The following MELTF variants were observed in gnomAD, a reference collection of about 807,000 sequenced individuals.
MELTF encodes the protein melanotransferrin.
In MELTF, 67 loss-of-function variants were observed where a neutral mutation model predicts 83.7. That is an observed-to-expected ratio of 0.80 (90% CI 0.66 to 0.98). The LOEUF (loss-of-function observed/expected upper bound fraction) is 0.98. MELTF is among the 50% of genes least tolerant of loss of function. The pLI is 0.00. For missense variants in MELTF, 1,002 were observed against 1,035.6 expected (o/e 0.97, Z 0.44); for synonymous variants, 462 against 447.6 (o/e 1.03, Z -0.41).
Position 197,029,794 on chromosome 3 carries a change from C to T in MELTF, c.-92G>A. 1 of 931,978 alleles carries T rather than the reference C, an allele frequency of 1.1e-6. No homozygotes were observed. The highest frequency in any genetic ancestry group is 3.8e-4 in the Middle Eastern group (1 of 2,662). The allele number at this position is 931,978 out of a possible 1,614,324, so 57.7% of individuals were successfully genotyped here. On this transcript the variant is annotated 5_prime_UTR_variant, in exon 1 of 16. Coordinates refer to ENST00000296350, the MANE Select transcript of MELTF (RefSeq NM_005929.6). This position sits in a 1 kb window ranked among gnomAD's most constrained non-coding sequence, Gnocchi z 6.5. ...CGGGCTTCCTCCCTGCTCCCCCTCG[C>T]GCTGGCCCGAGCTCCTTAAGTGCGG...
chr3:197,021,630 G>A (rs1406181751), intron 5 of MELTF, among the ~76,000 whole-genome samples, 159 bp from the exon 6 acceptor site: 2 of 152,220 alleles, frequency 1.3e-5, no homozygotes, highest in Non-Finnish European at 1.5e-5. Context: ...TCGGCTGTGT[G>A]CCTTTGCCGA....
rs1221331725 is a variant in MELTF, at chr3:197,017,275, G to A, written c.728C>T (p.Ser243Phe). Reference protein sequence around the residue: ...LENTDGKTLPSWGQALLSQDF... With the variant: ...LENTDGKTLPFWGQALLSQDF... ...CTGTGACAGCAGGGCCTGGCCCCAG[G>A]AGGGAAGCGTCTTCCCTGGGAAGCA... The change falls in exon 7 of 16, where the codon TCC becomes TTC. Residue 243 changes from serine to phenylalanine, a missense_variant. Ser to Phe is a radical substitution (Grantham distance 155). Coordinates refer to ENST00000296350, the MANE Select transcript of MELTF (RefSeq NM_005929.6). The A allele has an allele frequency of 3.8e-6, 6 of 1,560,002 alleles. 1 individual carries two copies. Among genetic ancestry groups the A allele is most frequent in the East Asian group, 4.6e-5 (2 of 43,170 alleles).
Position 197,008,639 on chromosome 3 carries a change from G to T in MELTF, c.1750+18C>A, listed in dbSNP as rs1278676353. 6.2e-7 allele frequency: 1 copy of T among 1,612,150 alleles called. No individual in the cohort carries two copies. Among genetic ancestry groups the T allele is most frequent in the East Asian group, 2.2e-5 (1 of 44,870 alleles). On this transcript the variant is annotated intron_variant, in intron 13 of 15. Coordinates refer to ENST00000296350, the MANE Select transcript of MELTF (RefSeq NM_005929.6). This position sits in a 1 kb window ranked among gnomAD's most constrained non-coding sequence, Gnocchi z 5.4. ...GTCCCCCCGACCTACCTTTGGCCCT[G>T]CTCTTGCCCCCACCTACCGTTTGTG...
intron 2 of MELTF, 55 bp downstream of exon 2, chr3:197,027,701 C>T: frequency 6.4e-7 from 1 of 1,554,358 alleles, no homozygotes; most frequent in Non-Finnish European, 8.8e-7. Context: ...CTGTTGTGTG[C>T]TCCCTCCTGA....
At chr3:197,010,857 T>TCCACAGGAC in intron 9 of MELTF, 63 bp from the exon 10 acceptor site, 1 of 1,474,970 alleles carries the variant, frequency 6.8e-7, no homozygotes. Context: ...GATGTCGGGG[T>TCCACAGGAC]CCTGTGGAGG....
At chr3:197,009,880 C>G in intron 10 of MELTF, 68 bp from the exon 11 acceptor site, 1 of 1,414,788 alleles carries the variant, frequency 7.1e-7, no homozygotes, top group Non-Finnish European at 9.9e-7. Flanking sequence ...TGGGGGGGTC[C>G]TTCCTTCAAA....
chr3:197,009,262 G>A (rs1719094078), intron 11 of MELTF, among the ~76,000 whole-genome samples: 1 of 152,208 alleles, frequency 6.6e-6, no homozygotes, highest in Non-Finnish European at 1.5e-5. Flanking sequence ...CAGAGCAGGT[G>A]TCCAGCTGTC....
intron 9 of MELTF, 76 bp downstream of exon 9, chr3:197,015,289 G>T: frequency 1.4e-6 from 2 of 1,450,844 alleles, no homozygotes; most frequent in Non-Finnish European, 1.9e-6. Flanking sequence ...GCAGCAGGGG[G>T]TGTGGGTAGT....
At chr3:197,014,383 G>GGTTTT (rs747329235) in intron 9 of MELTF, among the ~76,000 whole-genome samples, 3 of 101,058 alleles carry the variant, frequency 3.0e-5, no homozygotes, top group African/African-American at 1.2e-4. Flanking sequence ...AATAGGGAGA[G>GGTTTT]TTTTTTTTTT....
At position 197,009,688 on chromosome 3, in the gene MELTF, GCCTGCAGGGCTGCCGAAA is replaced by G. The variant is rs1302432368; in HGVS notation, c.1437_1454del (p.Phe480_Gly485del). 6.2e-7 allele frequency: 1 copy of G among 1,613,844 alleles called. No individual in the cohort carries two copies. The stretch of plus-strand genomic sequence containing the variant: ...TAAGGGCACCCACGGGGACATCCCA[GCCTGCAGGGCTGCCGAAA>G]CCGGCGTGGCAGGAGCGCTTGCCCC... On this transcript the variant is annotated inframe_deletion, in exon 11 of 16. Transcript: ENST00000296350.
intron 8 of MELTF, among the ~76,000 whole-genome samples, chr3:197,015,988 G>A (rs1719355824): frequency 6.6e-6 from 1 of 152,146 alleles, no homozygotes; most frequent in African/African-American, 2.4e-5. Context: ...GCGGCCAGGT[G>A]GGGCTTCCGA....
intron 6 of MELTF, chr3:197,021,162 C>T (rs542243535): frequency 7.6e-6 from 4 of 529,352 alleles, no homozygotes; most frequent in East Asian, 6.3e-5. Flanking sequence ...CAGAGCTGCT[C>T]GCTGGCCCCC....
Position 197,022,992 on chromosome 3 carries a change from G to A in MELTF, c.609C>T (p.Pro203=). The change falls in exon 5 of 16, where the codon CCC becomes CCT. Residue 203 remains proline, a synonymous_variant. Coordinates refer to ENST00000296350, the MANE Select transcript of MELTF (RefSeq NM_005929.6). The surrounding 1 kb of genome is among the most constrained non-coding windows in gnomAD (Gnocchi z 5.1). ...CGCTGTAGTCGTAGTATCTCTCCAG[G>A]GGGCTCTTGTCACACACCCCTTCCC... is the stretch of plus-strand genomic sequence containing the variant. The part of the protein sequence containing the change: ...SSGEGVCDKS[P]LERYYDYSGA... The A allele has an allele frequency of 6.2e-7, 1 of 1,613,428 alleles. No homozygotes were observed. The highest frequency in any genetic ancestry group is 1.1e-5 in the South Asian group (1 of 91,056).
chr3:197,004,157 C>G, intron 14 of MELTF, 58 bp from the exon 15 acceptor site: 1 of 1,530,482 alleles, frequency 6.5e-7, no homozygotes, highest in East Asian at 2.2e-5. Context: ...GGGTCACCCG[C>G]CCAGTGCCGC....
intron 2 of MELTF, 125 bp from the exon 3 acceptor site, chr3:197,026,884 C>A: frequency 1.4e-6 from 1 of 726,508 alleles, no homozygotes; most frequent in Non-Finnish European, 2.4e-6. Flanking sequence ...TCCTTCTCAT[C>A]TGTCCCAGGA....
At position 197,017,087 on chromosome 3, in the gene MELTF, G is replaced by A. The variant is rs568735453; in HGVS notation, c.900+16C>T. 1.2e-6 allele frequency: 2 copies of A among 1,608,180 alleles called. No individual in the cohort carries two copies. The highest frequency in any genetic ancestry group is 1.7e-6 in the Non-Finnish European group (2 of 1,178,380). ...TCTAGGAAGCTGTGCAGGTGGTTGG[G>A]GGACCCTGAGCCCACCTGGCCTTCG... is the stretch of plus-strand genomic sequence containing the variant. On this transcript the variant is annotated intron_variant, in intron 7 of 15. Coordinates refer to ENST00000296350, the MANE Select transcript of MELTF (RefSeq NM_005929.6).
intron 4 of MELTF, among the ~76,000 whole-genome samples, 180 bp from the exon 5 acceptor site, chr3:197,023,293 C>A (rs1351010597): frequency 8.5e-5 from 13 of 152,172 alleles, no homozygotes; most frequent in African/African-American, 3.1e-4. Flanking sequence ...AAACCGGGTC[C>A]ACCAAGGCAG....
Position 197,017,157 on chromosome 3 carries a change from C to G in MELTF, c.846G>C (p.Val282=). 1.2e-6 allele frequency: 2 copies of G among 1,611,736 alleles called. No homozygotes were observed. Among genetic ancestry groups the G allele is most frequent in the Non-Finnish European group, 1.7e-6 (2 of 1,179,536 alleles). Residue 282 remains valine, a synonymous_variant, in exon 7 of 16, where the codon GTG becomes GTC. Coordinates refer to ENST00000296350, the MANE Select transcript of MELTF (RefSeq NM_005929.6). ...GGCCCCCATCTGTGTCGGCCCGGAC[C>G]ACCACGGCGTGAGCAGGCACCCGGG... The part of the protein sequence containing the change: ...HLARVPAHAV[V]VRADTDGGLI...
intron 14 of MELTF, among the ~76,000 whole-genome samples, chr3:197,004,926 C>T (rs75328726): frequency 0.032 from 4,870 of 152,236 alleles, 146 homozygotes; most frequent in African/African-American, 0.072. Context: ...GAGGACTTAG[C>T]AACCCCCTAG....
Sources: gnomAD v4.1 joint callset for allele counts (sites outside exome capture counted in the v4.1 genomes callset) on GRCh38, gnomAD v4.1.1 for gene constraint, Gnocchi (gnomAD v3.1) non-coding constraint, MANE v1.5 for transcripts, NCBI Gene and HGNC (gene_info 2026-07-23, HGNC 2026-07-21) for gene names.